Variants in LYPLAL1 observed in about 807,000 individuals in gnomAD.
LYPLAL1 encodes lysophospholipase-like protein 1.
A neutral mutation model predicts 19.7 loss-of-function variants in LYPLAL1; 23 were observed. The ratio of observed to expected loss-of-function variants is 1.17; its 90% CI spans 0.84 to 1.65. LYPLAL1 has a LOEUF of 1.65. Among genes scored for constraint, LYPLAL1 ranks in the 40% most tolerant of loss-of-function variants. LYPLAL1 has a pLI of 0.00. For synonymous variants in LYPLAL1, 119 were observed against 96.3 expected (o/e 1.24, Z -1.38); for missense variants, 355 against 279.4 (o/e 1.27, Z -1.93).
At chr1:219,200,975 G>A (rs1357070809) in intron 3 of LYPLAL1, among the ~76,000 whole-genome samples, 5 of 152,214 alleles carry the variant, frequency 3.3e-5, no homozygotes, top group East Asian at 1.9e-4. Context: ...TAAAGCCAAC[G>A]ATTCTTACAT....
chr1:219,301,103 A>C, the LYPLAL1 span, among the ~76,000 whole-genome samples: 2 of 152,144 alleles, frequency 1.3e-5, no homozygotes, highest in African/African-American at 4.8e-5. Context: ...CATACATGAA[A>C]TCAAAATGGG....
chr1:219,381,786 C>A, the LYPLAL1 span, among the ~76,000 whole-genome samples: 2 of 152,174 alleles, frequency 1.3e-5, no homozygotes, highest in Non-Finnish European at 2.9e-5. Flanking sequence ...TAATCTTGAT[C>A]ATGTGCTGAT....
At chr1:219,219,324 A>C in the LYPLAL1 span, among the ~76,000 whole-genome samples, 1 of 152,148 alleles carries the variant, frequency 6.6e-6, no homozygotes, top group Non-Finnish European at 1.5e-5. Flanking sequence ...TTTTGGAGAG[A>C]TCCCTGCAGT....
At position 219,193,263 on chromosome 1, in the gene LYPLAL1, A is replaced by G; in HGVS notation, c.361+12A>G. 6.3e-7 allele frequency: 1 copy of G among 1,595,254 alleles called. No individual in the cohort carries two copies. The highest frequency in any genetic ancestry group is 8.6e-7 in the Non-Finnish European group (1 of 1,168,490). ...CAGGATATTAATAGGTAAGACCTTT[A>G]AATGTTGGTAATTTATCACTGTTCA... On this transcript the variant is annotated intron_variant, in intron 3 of 4. Coordinates refer to ENST00000366928, the MANE Select transcript of LYPLAL1 (RefSeq NM_138794.5).
At chr1:219,232,246 C>G in the LYPLAL1 span, among the ~76,000 whole-genome samples, 650 of 152,210 alleles carry the variant, frequency 4.3e-3, 2 homozygotes, top group Non-Finnish European at 5.9e-3. Flanking sequence ...TTCTATAACT[C>G]AACAGTAATG....
the LYPLAL1 span, among the ~76,000 whole-genome samples, chr1:219,424,485 T>C: frequency 3.9e-5 from 6 of 152,180 alleles, no homozygotes; most frequent in African/African-American, 7.2e-5. Flanking sequence ...ACTGGGTATA[T>C]TTTGTGCCCT....
At chr1:219,421,394 G>C in the LYPLAL1 span, among the ~76,000 whole-genome samples, 1 of 152,190 alleles carries the variant, frequency 6.6e-6, no homozygotes, top group Non-Finnish European at 1.5e-5. Context: ...GAACCCTGGA[G>C]GGTCAGCCGA....
At chr1:219,188,287 G>A (rs1051867959) in intron 2 of LYPLAL1, among the ~76,000 whole-genome samples, 1 of 151,788 alleles carries the variant, frequency 6.6e-6, no homozygotes, top group African/African-American at 2.4e-5. Context: ...TAAGACTGGG[G>A]ATAGAGAGTA....
At chr1:219,194,440 T>G (rs578221458) in intron 3 of LYPLAL1, among the ~76,000 whole-genome samples, 1 of 152,122 alleles carries the variant, frequency 6.6e-6, no homozygotes, top group African/African-American at 2.4e-5. Flanking sequence ...GTGCTACGCA[T>G]TATTATAGAT....
chr1:219,300,530 C>CTTTTTTTTTTTTTT, the LYPLAL1 span, among the ~76,000 whole-genome samples: 1 of 82,010 alleles, frequency 1.2e-5, no homozygotes, highest in Non-Finnish European at 2.2e-5. Context: ...TTTATCCTAA[C>CTTTTTTTTTTTTTT]TTTTTTTTTT....
intron 3 of LYPLAL1, among the ~76,000 whole-genome samples, chr1:219,208,634 A>G (rs1239248562): frequency 6.6e-6 from 1 of 152,082 alleles, no homozygotes; most frequent in Non-Finnish European, 1.5e-5. Context: ...TCAGCTAATC[A>G]TAAGCACTCA....
the LYPLAL1 span, among the ~76,000 whole-genome samples, chr1:219,290,211 C>T: frequency 6.6e-6 from 1 of 152,178 alleles, no homozygotes; most frequent in Non-Finnish European, 1.5e-5. Context: ...CTCTATTGTG[C>T]TGTGTCATTC....
chr1:219,299,860 G>T, the LYPLAL1 span, among the ~76,000 whole-genome samples: 2 of 151,966 alleles, frequency 1.3e-5, no homozygotes, highest in Admixed American at 6.6e-5. Flanking sequence ...GATTTTTTTG[G>T]TTGTACATAT....
chr1:219,323,810 A>C, the LYPLAL1 span, among the ~76,000 whole-genome samples: 1 of 152,208 alleles, frequency 6.6e-6, no homozygotes, highest in Non-Finnish European at 1.5e-5. Flanking sequence ...GTATAACAAT[A>C]TTTATGGAAA....
At chr1:219,368,533 T>C in the LYPLAL1 span, among the ~76,000 whole-genome samples, 1 of 152,116 alleles carries the variant, frequency 6.6e-6, no homozygotes, top group Non-Finnish European at 1.5e-5. Flanking sequence ...GGAAGAAATG[T>C]AGATTCCCAA....
the LYPLAL1 span, among the ~76,000 whole-genome samples, chr1:219,275,200 A>G: frequency 1.3e-5 from 2 of 152,156 alleles, no homozygotes; most frequent in Admixed American, 1.3e-4. Context: ...CTTCTGACTG[A>G]TCTCACCCCA....
At chr1:219,325,173 G>A in the LYPLAL1 span, among the ~76,000 whole-genome samples, 1 of 152,164 alleles carries the variant, frequency 6.6e-6, no homozygotes, top group Admixed American at 6.5e-5. Context: ...AAATCTTTCT[G>A]CTGCGTGTAA....
chr1:219,354,704 A>G, the LYPLAL1 span, among the ~76,000 whole-genome samples: 3 of 152,218 alleles, frequency 2.0e-5, no homozygotes. Flanking sequence ...CATATTTTTT[A>G]AACAAATTAA....
At chr1:219,327,822 T>C in the LYPLAL1 span, among the ~76,000 whole-genome samples, 17 of 152,148 alleles carry the variant, frequency 1.1e-4, no homozygotes, top group African/African-American at 4.1e-4. Context: ...TCATTCTCTC[T>C]TTGCCTGCCA....
Sources: gnomAD v4.1 joint callset for allele counts (sites outside exome capture counted in the v4.1 genomes callset) on GRCh38, gnomAD v4.1.1 for gene constraint, MANE v1.5 for transcripts, NCBI Gene and HGNC (gene_info 2026-07-23, HGNC 2026-07-21) for gene names.